POLR3D: variants seen among roughly 807,000 people sequenced by gnomAD.
The protein encoded by POLR3D is RNA polymerase III subunit D.
Under a neutral mutation model 44.5 loss-of-function variants are expected in POLR3D, and 42 were observed. The observed-to-expected ratio is 0.94, with a 90% CI of 0.74 to 1.22. POLR3D has a LOEUF of 1.22. Among genes scored for constraint, POLR3D ranks in the 50% most tolerant of loss-of-function variants. The pLI, the probability that POLR3D is intolerant of heterozygous loss-of-function variation, is 0.00. For missense variants in POLR3D, 507 were observed against 505.2 expected (o/e 1.00, Z -0.03); for synonymous variants, 217 against 198.1 (o/e 1.10, Z -0.80).
At position 22,253,408 on chromosome 8, in the gene POLR3D, G is replaced by T. The variant is rs1206145832; in HGVS notation, c.*2890G>T. 1 of 152,204 alleles carries T rather than the reference G, an allele frequency of 6.6e-6. No homozygotes were observed. The highest frequency in any genetic ancestry group is 2.4e-5 in the African/African-American group (1 of 41,464). 9.4% of individuals were successfully genotyped at this position (152,204 alleles called of 1,614,324 possible). A position where few individuals can be genotyped will look rare whatever the true frequency, so the allele number is the denominator to read the frequency against. ...AGGCCCTGGCAAAGGGGGATGGGTC[G>T]ACTAGTGTATCCCCTGGCACTGAGC... On this transcript the variant is annotated 3_prime_UTR_variant, in exon 9 of 9. Transcript: ENST00000306433.
Position 22,245,501 on chromosome 8 carries a change from CCT to C in POLR3D, c.56_57del (p.Leu19ProfsTer64), listed in dbSNP as rs1830029861. On this transcript the variant is annotated frameshift_variant, in exon 2 of 9. Coordinates refer to ENST00000306433, the MANE Select transcript of POLR3D (RefSeq NM_001722.3). LOFTEE classifies it high-confidence loss of function. ...GEPSTPGGPR[P>X]LLTGARGLIG... Reference sequence around the variant, plus strand: ...GCCCAGCACGCCGGGAGGGCCCCGACCTCTCCTGACTGGGGCCCGGGGGCTCA... The same window carrying C: ...GCCCAGCACGCCGGGAGGGCCCCGACCTCCTGACTGGGGCCCGGGGGCTCA... 7.7e-7 allele frequency: 1 copy of C among 1,298,386 alleles called. No individual in the cohort carries two copies. Among genetic ancestry groups the C allele is most frequent in the Admixed American group, 3.2e-5 (1 of 31,292 alleles). 80.4% of individuals were successfully genotyped at this position (1,298,386 alleles called of 1,614,324 possible). A position where few individuals can be genotyped will look rare whatever the true frequency, so the allele number is the denominator to read the frequency against.
rs1333078072 is a variant in POLR3D at position 22,251,476 on chromosome 8, T to G, written c.*958T>G. 6.5e-6 allele frequency: 1 copy of G among 153,754 alleles called. No homozygotes were observed. Among genetic ancestry groups the G allele is most frequent in the African/African-American group, 2.4e-5 (1 of 41,452 alleles). 9.5% of individuals were successfully genotyped at this position (153,754 alleles called of 1,614,324 possible). On this transcript the variant is annotated 3_prime_UTR_variant, in exon 9 of 9. Transcript: ENST00000306433. The stretch of plus-strand genomic sequence containing the variant: ...CCCAGGACATGTTCCCTGCACTCTT[T>G]CCTTTGCAGTTAGTACTCATGTATG...
intron 7 of POLR3D, among the ~76,000 whole-genome samples, 155 bp from the exon 8 acceptor site, chr8:22,249,920 A>AT (rs1830085999): frequency 6.6e-6 from 1 of 152,174 alleles, no homozygotes; most frequent in South Asian, 2.1e-4. Flanking sequence ...TGGGTTTTGT[A>AT]TTTTAACCAT....
At chr8:22,245,389 C>T in intron 1 of POLR3D, 56 bp from the exon 2 acceptor site, 4 of 1,267,870 alleles carry the variant, frequency 3.2e-6, no homozygotes, top group Admixed American at 3.3e-5. Context: ...GGTGGGGTTC[C>T]GCCAGGGTCC....
chr8:22,247,847 T>G lies in POLR3D; in HGVS notation c.210-10T>G. ...GTGAGTGGTTTCCCTTAATCCATTC[T>G]TTTTTCCAGGCCCAAGGAAGAAGTA... is the stretch of plus-strand genomic sequence containing the variant. On this transcript the variant is annotated splice_polypyrimidine_tract_variant and intron_variant, in intron 3 of 8. Transcript: ENST00000306433. The G allele has an allele frequency of 6.2e-7, 1 of 1,611,938 alleles. No homozygotes were observed. Among genetic ancestry groups the G allele is most frequent in the Non-Finnish European group, 8.5e-7 (1 of 1,178,850 alleles).
rs1206092186 is a variant in POLR3D at position 22,247,906 on chromosome 8, G to A, written c.259G>A (p.Asp87Asn). The part of the protein sequence containing the change: ...VKKEKRERDR[D>N]RQREGHGRGR... ...GAAGGAGAAGCGTGAAAGGGACAGA[G>A]ACCGACAACGAGAGGGGCATGGACG... Residue 87 changes from aspartate (D) to asparagine (N), a missense_variant, in exon 4 of 9, where the codon GAC (aspartate) becomes AAC (asparagine). Physicochemically the swap from Asp to Asn is conservative, Grantham distance 23. Coordinates refer to ENST00000306433, the MANE Select transcript of POLR3D (RefSeq NM_001722.3). 1.2e-6 allele frequency: 2 copies of A among 1,614,064 alleles called. No individual in the cohort carries two copies. Among genetic ancestry groups the A allele is most frequent in the Non-Finnish European group, 1.7e-6 (2 of 1,180,048 alleles).
chr8:22,250,017 A>G, intron 7 of POLR3D, 58 bp from the exon 8 acceptor site: 2 of 1,596,976 alleles, frequency 1.3e-6, no homozygotes, highest in Non-Finnish European at 1.7e-6. Context: ...AAGGGGGTTC[A>G]TGAAAGATGG....
Position 22,252,692 on chromosome 8 carries a change from A to G in POLR3D, c.*2174A>G, listed in dbSNP as rs1483237318. On this transcript the variant is annotated 3_prime_UTR_variant, in exon 9 of 9. Transcript: ENST00000306433. ...ATATGGACAGATGACAGAGGAGAAG[A>G]GCCCAAAGCCAAATTTATACATGAG... 1 of 152,230 alleles carries G rather than the reference A, an allele frequency of 6.6e-6. No homozygotes were observed. The highest frequency in any genetic ancestry group is 2.4e-5 in the African/African-American group (1 of 41,458). 9.4% of individuals were successfully genotyped at this position (152,230 alleles called of 1,614,324 possible).
At chr8:22,245,420 G>A in intron 1 of POLR3D, 25 bp from the exon 2 acceptor site, 1 of 1,311,464 alleles carries the variant, frequency 7.6e-7, no homozygotes, top group Non-Finnish European at 9.8e-7. Context: ...CCCCTCTGGT[G>A]ATCTCGTCGC....
chr8:22,246,191 G>A (rs1039650648), intron 2 of POLR3D, among the ~76,000 whole-genome samples: 6 of 151,422 alleles, frequency 4.0e-5, no homozygotes, highest in Non-Finnish European at 7.4e-5. Context: ...GCAATGGCAC[G>A]ATCTCAGCTC....
chr8:22,249,483 G>A (rs780467743), intron 7 of POLR3D, among the ~76,000 whole-genome samples, 174 bp downstream of exon 7: 3 of 152,200 alleles, frequency 2.0e-5, no homozygotes, highest in Non-Finnish European at 4.4e-5. Flanking sequence ...AATTGTGTAT[G>A]TGTTGTGGGG....
rs1830132429 is a variant in POLR3D at position 22,254,532 on chromosome 8, A to G, written c.*4014A>G. 6.6e-6 allele frequency: 1 copy of G among 152,212 alleles called. No homozygotes were observed. The highest frequency in any genetic ancestry group is 2.4e-5 in the African/African-American group (1 of 41,460). The allele number at this position is 152,212 out of a possible 1,614,324, so 9.4% of individuals were successfully genotyped here. A position where few individuals can be genotyped will look rare whatever the true frequency, so the allele number is the denominator to read the frequency against. ...ACACACATCCAGTTCTTCCATGTTA[A>G]TGAGTATGTTGTGTTTCACATACTT... On this transcript the variant is annotated 3_prime_UTR_variant, in exon 9 of 9. Coordinates refer to ENST00000306433, the MANE Select transcript of POLR3D (RefSeq NM_001722.3).
chr8:22,246,968 G>A (rs1830049949), intron 2 of POLR3D, among the ~76,000 whole-genome samples: 1 of 152,184 alleles, frequency 6.6e-6, no homozygotes, highest in Non-Finnish European at 1.5e-5. Context: ...TTCTTTCAGA[G>A]GCAGAACCTA....
chr8:22,249,985 G>A lies in POLR3D; in HGVS notation c.922-90G>A, dbSNP rs1480855973. 6 of 1,461,024 alleles carry A rather than the reference G, an allele frequency of 4.1e-6. No homozygotes were observed. In the African/African-American group the frequency reaches 8.4e-5, roughly 20 times the overall value. 90.5% of individuals were successfully genotyped at this position (1,461,024 alleles called of 1,614,324 possible). On this transcript the variant is annotated intron_variant, in intron 7 of 8. Transcript: ENST00000306433. ...TGGGGAGCTCATTTTGACCTTTGCT[G>A]TGCCTTTCTCTTGGGGAGTAGAAGG...
rs1269597263 is a variant in POLR3D at position 22,250,208 on chromosome 8, CT to C, written c.1056del (p.Ala353ProfsTer21). Reference sequence around the variant, plus strand: ...GTGACTCTGGACGTGACCATGGGAACTGCCTGCTCCTTCCTGCAGGTAAGAG... The same window carrying C: ...GTGACTCTGGACGTGACCATGGGAACGCCTGCTCCTTCCTGCAGGTAAGAG... ...GKVTLDVTMG[T>X]ACSFLQELVS... On this transcript the variant is annotated frameshift_variant, in exon 8 of 9. Transcript: ENST00000306433. LOFTEE classifies it high-confidence loss of function. 3 of 1,614,076 alleles carry C rather than the reference CT, an allele frequency of 1.9e-6. No homozygotes were observed. The Admixed American group carries it at 5.0e-5, about 27-fold the overall frequency.
intron 8 of POLR3D, 36 bp from the exon 9 acceptor site, chr8:22,250,360 G>A: frequency 7.4e-6 from 12 of 1,613,938 alleles, no homozygotes; most frequent in Non-Finnish European, 1.0e-5. Context: ...CGGGCACGTG[G>A]TGGTGGTTCT....
At position 22,249,168 on chromosome 8, in the gene POLR3D, C is replaced by A; in HGVS notation, c.780C>A (p.Leu260=). The change falls in exon 7 of 9, where the codon CTC becomes CTA. Residue 260 remains leucine (L), a synonymous_variant. Coordinates refer to ENST00000306433, the MANE Select transcript of POLR3D (RefSeq NM_001722.3). The part of the protein sequence containing the change: ...SVAELLRELS[L]TKEEELLFLQ... ...CAGAGCTGCTGAGGGAGCTGAGCCT[C>A]ACCAAGGAAGAGGAACTGCTGTTTC... 2 of 1,614,100 alleles carry A rather than the reference C, an allele frequency of 1.2e-6. No homozygotes were observed. Among genetic ancestry groups the A allele is most frequent in the Non-Finnish European group, 1.7e-6 (2 of 1,179,990 alleles).
At chr8:22,249,859 C>G (rs752607235) in intron 7 of POLR3D, among the ~76,000 whole-genome samples, 3 of 152,180 alleles carry the variant, frequency 2.0e-5, no homozygotes, top group Non-Finnish European at 4.4e-5. Flanking sequence ...TGTACCAGAA[C>G]TCAGCTTCAG....
At position 22,250,685 on chromosome 8, in the gene POLR3D, G is replaced by T; in HGVS notation, c.*167G>T. 1 of 751,972 alleles carries T rather than the reference G, an allele frequency of 1.3e-6. No individual in the cohort carries two copies. The allele number at this position is 751,972 out of a possible 1,614,324, so 46.6% of individuals were successfully genotyped here. ...CAGGGCTTCCTCCCACAGCAGCTGT[G>T]AATGGCACAGTGACCTTCCTGCAGC... On this transcript the variant is annotated 3_prime_UTR_variant, in exon 9 of 9. Coordinates refer to ENST00000306433, the MANE Select transcript of POLR3D (RefSeq NM_001722.3).
Sources: gnomAD v4.1 joint callset for allele counts (sites outside exome capture counted in the v4.1 genomes callset) on GRCh38, gnomAD v4.1.1 for gene constraint, MANE v1.5 for transcripts, NCBI Gene and HGNC (gene_info 2026-07-23, HGNC 2026-07-21) for gene names.